Variants in GLB1L3 observed in about 807,000 individuals in gnomAD.
GLB1L3 encodes the protein beta-galactosidase-1-like protein 3.
Under a neutral mutation model 89.5 loss-of-function variants are expected in GLB1L3, and 89 were observed. The observed-to-expected ratio is 0.99, with a 90% CI of 0.84 to 1.19. The LOEUF is 1.19. Ranked by LOEUF, GLB1L3 falls within the 50% of genes most tolerant of loss-of-function variation. The pLI is 0.00. For synonymous variants in GLB1L3, 314 were observed against 312.3 expected (o/e 1.01, Z -0.06); for missense variants, 812 against 813.3 (o/e 1.00, Z 0.02).
chr11:134,277,263 G>T lies in GLB1L3; in HGVS notation c.24-63G>T, dbSNP rs754862830. On this transcript the variant is annotated intron_variant, in intron 1 of 19. Transcript: ENST00000431683. Reference sequence around the variant, plus strand: ...TAAAGCGCCCCCGGCACAGCTTCCCGGCCCTTGCAGCCCGGTGGGGCCGGA... The same window carrying T: ...TAAAGCGCCCCCGGCACAGCTTCCCTGCCCTTGCAGCCCGGTGGGGCCGGA... 1.9e-6 allele frequency: 3 copies of T among 1,609,668 alleles called. No homozygotes were observed. The East Asian group carries it at 6.7e-5, about 36-fold the overall frequency.
intron 11 of GLB1L3, chr11:134,310,085 A>T (rs957098522): frequency 2.3e-6 from 1 of 425,708 alleles, no homozygotes; most frequent in Non-Finnish European, 4.3e-6. Flanking sequence ...GCCGGGCGAT[A>T]CAGACTGAGC....
At chr11:134,311,041 C>T (rs775485971) in intron 12 of GLB1L3, 23 bp from the exon 13 acceptor site, 3 of 1,580,526 alleles carry the variant, frequency 1.9e-6, no homozygotes, top group South Asian at 1.1e-5. Context: ...CACTTTTTGC[C>T]CTGTGCCCCA....
At chr11:134,312,197 G>A in intron 13 of GLB1L3, 152 bp from the exon 14 acceptor site, 1 of 797,670 alleles carries the variant, frequency 1.3e-6, no homozygotes, top group Admixed American at 2.5e-5. Flanking sequence ...GGAGACGTAA[G>A]CACAGAGCAG....
chr11:134,310,320 A>G, intron 11 of GLB1L3: 1 of 527,012 alleles, frequency 1.9e-6, no homozygotes, highest in Non-Finnish European at 3.4e-6. Flanking sequence ...TGTGGGTTGA[A>G]CAAGTTTGCA....
chr11:134,314,561 C>T (rs888344437), intron 18 of GLB1L3, 120 bp downstream of exon 18: 3 of 703,468 alleles, frequency 4.3e-6, no homozygotes, highest in African/African-American at 3.6e-5. Flanking sequence ...TCTTCTTCCT[C>T]ATCTCCAACC....
chr11:134,275,835 G>A (rs1458079462), upstream of GLB1L3: 1 of 152,188 alleles, frequency 6.6e-6, no homozygotes, highest in African/African-American at 2.4e-5. Flanking sequence ...CGGAGCTGCC[G>A]GTTTAACCTC....
rs1214772597 is a variant in GLB1L3 at position 134,276,392 on chromosome 11, C to A, written c.-349C>A. 1.6e-5 allele frequency: 4 copies of A among 248,162 alleles called. No individual in the cohort carries two copies. The highest frequency in any genetic ancestry group is 3.1e-5 in the Non-Finnish European group (4 of 130,762). The allele number at this position is 248,162 out of a possible 1,614,324, so 15.4% of individuals were successfully genotyped here. Reference sequence around the variant, plus strand: ...TCCCGCGCAGGCCTCCCTGTGCCAGCCGGCTGTCGACCCAGGTTAGGAAGC... The same window carrying A: ...TCCCGCGCAGGCCTCCCTGTGCCAGACGGCTGTCGACCCAGGTTAGGAAGC... On this transcript the variant is annotated 5_prime_UTR_variant, in exon 1 of 20. Transcript: ENST00000431683.
At chr11:134,309,241 C>T (rs1329464667) in intron 10 of GLB1L3, among the ~76,000 whole-genome samples, 1 of 152,140 alleles carries the variant, frequency 6.6e-6, no homozygotes, top group Non-Finnish European at 1.5e-5. Context: ...TTGGGATTGA[C>T]AAGATTCGGT....
At chr11:134,284,930 T>G (rs1940900040) in intron 6 of GLB1L3, among the ~76,000 whole-genome samples, 1 of 142,438 alleles carries the variant, frequency 7.0e-6, no homozygotes, top group African/African-American at 2.6e-5. Context: ...TTGCCTTTTT[T>G]TTTTTTTTTT....
At position 134,312,426 on chromosome 11, in the gene GLB1L3, C is replaced by T; in HGVS notation, c.1365C>T (p.Val455=). Residue 455 remains valine, a synonymous_variant, in exon 14 of 20, where the codon GTC becomes GTT. Coordinates refer to ENST00000431683, the MANE Select transcript of GLB1L3 (RefSeq NM_001080407.3). The part of the protein sequence containing the change: ...NNGSGQSYGL[V]LYEKSICSGG... ...GGAGCGGCCAGTCCTACGGGCTTGT[C>T]CTGTATGAGAAGTCCATCTGCTCCG... 1 of 1,613,714 alleles carries T rather than the reference C, an allele frequency of 6.2e-7. No individual in the cohort carries two copies. The highest frequency in any genetic ancestry group is 8.5e-7 in the Non-Finnish European group (1 of 1,179,882).
intron 5 of GLB1L3, among the ~76,000 whole-genome samples, 184 bp downstream of exon 5, chr11:134,282,304 G>A (rs1940740295): frequency 6.6e-6 from 1 of 152,180 alleles, no homozygotes; most frequent in Non-Finnish European, 1.5e-5. Context: ...GCGGTGGCGG[G>A]GGGCGGGGTG....
intron 2 of GLB1L3, 26 bp downstream of exon 2, chr11:134,277,477 G>A (rs67473835): frequency 0.22 from 349,684 of 1,602,106 alleles, 40,120 homozygotes; most frequent in East Asian, 0.34. Context: ...ACATCCCTGG[G>A]GAGGGAGGGG....
At chr11:134,291,647 A>T (rs1941366642) in intron 7 of GLB1L3, among the ~76,000 whole-genome samples, 2 of 152,330 alleles carry the variant, frequency 1.3e-5, no homozygotes, top group Admixed American at 1.3e-4. Context: ...GATGAGAAAA[A>T]TGCCTGTGCA....
chr11:134,295,780 G>T (rs1236979646), intron 9 of GLB1L3, among the ~76,000 whole-genome samples: 3 of 152,068 alleles, frequency 2.0e-5, no homozygotes, highest in African/African-American at 7.2e-5. Context: ...TAGTTTTGCT[G>T]CATCTCGCCA....
rs933739127 is a variant in GLB1L3 at position 134,290,620 on chromosome 11, C to T, written c.730-1512C>T. 1.4e-4 allele frequency among the ~76,000 whole-genome samples: 15 copies of T among 106,944 alleles called. No individual in the cohort carries two copies. In the East Asian group the frequency reaches 2.8e-3, roughly 20 times the overall value. 70.2% of individuals were successfully genotyped at this position (106,944 alleles called of 152,430 possible). Reference sequence around the variant, plus strand: ...AAAAAAAAAGAAAAAGAAAAAAAAACCATTCAACTCCACTCCCAGGCCCAG... The same window carrying T: ...AAAAAAAAAGAAAAAGAAAAAAAAATCATTCAACTCCACTCCCAGGCCCAG... On this transcript the variant is annotated intron_variant, in intron 7 of 19. Transcript: ENST00000431683.
intron 10 of GLB1L3, among the ~76,000 whole-genome samples, chr11:134,308,619 T>TCACCATCACCTC (rs1942541646): frequency 1.1e-5 from 1 of 87,566 alleles, no homozygotes; most frequent in Non-Finnish European, 2.3e-5. Flanking sequence ...ACCACCACTA[T>TCACCATCACCTC]CACCACCATC....
At chr11:134,316,092 A>C (rs1942966223) in intron 18 of GLB1L3, among the ~76,000 whole-genome samples, 1 of 152,068 alleles carries the variant, frequency 6.6e-6, no homozygotes, top group South Asian at 2.1e-4. Flanking sequence ...CATTTTCATT[A>C]TCCTATAAAC....
At chr11:134,289,035 G>A (rs1466672982) in intron 7 of GLB1L3, 145 bp downstream of exon 7, 2 of 576,950 alleles carry the variant, frequency 3.5e-6, no homozygotes, top group African/African-American at 1.9e-5. Context: ...GAGGGGTGCC[G>A]GCCCACTGCA....
Position 134,318,935 on chromosome 11 carries a change from C to T in GLB1L3, c.1955C>T (p.Thr652Met), listed in dbSNP as rs115171064. Residue 652 changes from threonine to methionine, a missense_variant, in exon 20 of 20, where the codon ACG becomes ATG. Physicochemically the swap from Thr to Met is moderately conservative, Grantham distance 81. Coordinates refer to ENST00000431683, the MANE Select transcript of GLB1L3 (RefSeq NM_001080407.3). ...GATATCAAATCTACAGACAAGCCCA[C>T]GCTGTAAAACTGTGTCTGAACATTT... ...GSDIKSTDKP[T>M]L The T allele has an allele frequency of 3.4e-5, 55 of 1,608,456 alleles. No homozygotes were observed. Among genetic ancestry groups the T allele is most frequent in the Admixed American group, 2.2e-4 (13 of 59,638 alleles).
Sources: gnomAD v4.1 joint callset for allele counts (sites outside exome capture counted in the v4.1 genomes callset) on GRCh38, gnomAD v4.1.1 for gene constraint, MANE v1.5 for transcripts, NCBI Gene and HGNC (gene_info 2026-07-23, HGNC 2026-07-21) for gene names.